The following SAXO1 variants were observed in gnomAD, a reference collection of about 807,000 sequenced individuals.
The protein encoded by SAXO1 is stabilizer of axonemal microtubules 1, also known as 4930500O09Rik.
A neutral mutation model predicts 17.5 loss-of-function variants in SAXO1; 21 were observed. The ratio of observed to expected loss-of-function variants is 1.20; its 90% confidence interval spans 0.85 to 1.72. The LOEUF is 1.72. SAXO1 is among the 40% of genes most tolerant of loss of function. The probability of loss-of-function intolerance (pLI) is 0.00; values close to 1 mark genes in which losing one functional copy is unlikely to be tolerated. For missense variants in SAXO1, 843 were observed against 596.0 expected (o/e 1.41, Z -4.32); for synonymous variants, 274 against 216.5 (o/e 1.27, Z -2.33).
chr9:18,965,221 A>T (rs2131773025), intron 1 of SAXO1, among the ~76,000 whole-genome samples: 1 of 152,302 alleles, frequency 6.6e-6, no homozygotes, highest in African/African-American at 2.4e-5. Context: ...GCTGAGAAGA[A>T]TGTATATTCT....
intron 1 of SAXO1, among the ~76,000 whole-genome samples, chr9:19,009,501 G>A (rs558351459): frequency 1.4e-3 from 213 of 152,330 alleles, no homozygotes; most frequent in African/African-American, 4.9e-3. Context: ...AAAGGGGGAA[G>A]CTGCAGATGC....
At chr9:19,003,142 T>C (rs200297767) in intron 1 of SAXO1, among the ~76,000 whole-genome samples, 1 of 152,114 alleles carries the variant, frequency 6.6e-6, no homozygotes, top group Non-Finnish European at 1.5e-5. Context: ...TCCCATTCAC[T>C]ATTACTACAA....
At chr9:18,931,107 C>T (rs1188108319) in intron 3 of SAXO1, among the ~76,000 whole-genome samples, 1 of 152,168 alleles carries the variant, frequency 6.6e-6, no homozygotes, top group African/African-American at 2.4e-5. Context: ...ATATCCATCA[C>T]CAAAATCAAG....
intron 1 of SAXO1, among the ~76,000 whole-genome samples, chr9:18,957,579 G>A (rs1199451592): frequency 6.6e-6 from 1 of 152,200 alleles, no homozygotes; most frequent in Non-Finnish European, 1.5e-5. Context: ...CTGTTCAAGG[G>A]AGGAAAGCAG....
chr9:19,037,059 C>A (rs1018434788), upstream of SAXO1, among the ~76,000 whole-genome samples: 1 of 152,178 alleles, frequency 6.6e-6, no homozygotes, highest in Non-Finnish European at 1.5e-5. Flanking sequence ...GATTTGACTA[C>A]CCTGCTGGAT....
chr9:18,970,731 G>C (rs140226085), intron 1 of SAXO1, among the ~76,000 whole-genome samples: 271 of 152,340 alleles, frequency 1.8e-3, no homozygotes, highest in African/African-American at 6.2e-3. Flanking sequence ...GAATGTCCCA[G>C]TGTCCCAGCA....
intron 1 of SAXO1, among the ~76,000 whole-genome samples, chr9:19,000,234 G>C (rs1834202159): frequency 1.3e-5 from 2 of 150,008 alleles, no homozygotes; most frequent in South Asian, 4.2e-4. Flanking sequence ...GAAGTGAGGA[G>C]CGCCTCTGCC....
chr9:18,994,380 T>A (rs1036223242), intron 1 of SAXO1, among the ~76,000 whole-genome samples: 1 of 152,240 alleles, frequency 6.6e-6, no homozygotes, highest in Admixed American at 6.5e-5. Context: ...TTGACAGCCA[T>A]GCACCAGTGC....
intron 1 of SAXO1, chr9:19,028,012 T>A: frequency 6.2e-7 from 1 of 1,606,844 alleles, no homozygotes; most frequent in Non-Finnish European, 8.5e-7. Flanking sequence ...CAAGGCTGTG[T>A]CTGTGGAGGC....
intron 1 of SAXO1, among the ~76,000 whole-genome samples, chr9:18,962,315 G>C (rs1021819767): frequency 1.3e-5 from 2 of 152,172 alleles, no homozygotes; most frequent in Admixed American, 1.3e-4. Flanking sequence ...TGATCTGCCC[G>C]CCTTGGCCTC....
intron 3 of SAXO1, among the ~76,000 whole-genome samples, chr9:18,934,105 C>G (rs1355641268): frequency 6.6e-6 from 1 of 152,156 alleles, no homozygotes; most frequent in Non-Finnish European, 1.5e-5. Context: ...AGTCATTTCT[C>G]TTTTGCCTCC....
At chr9:19,032,689 G>T (rs933128061) in intron 1 of SAXO1, among the ~76,000 whole-genome samples, 182 bp downstream of exon 1, 5 of 152,192 alleles carry the variant, frequency 3.3e-5, no homozygotes, top group African/African-American at 1.2e-4. Flanking sequence ...AGCCACATTC[G>T]CCAGAACTGA....
Position 19,049,090 on chromosome 9 carries a change from C to T in SAXO1, c.-158+119G>A. 1 of 152,746 alleles carries T rather than the reference C, an allele frequency of 6.5e-6. No homozygotes were observed. Among genetic ancestry groups the T allele is most frequent in the Non-Finnish European group, 1.5e-5 (1 of 68,318 alleles). The allele number at this position is 152,746 out of a possible 1,614,324, so 9.5% of individuals were successfully genotyped here. ...TTCCCTCCACTTCACCAGTCGGCTG[C>T]CCCTGCGGAAACCGGCCCGACACAC... On this transcript the variant is annotated intron_variant, in intron 1 of 3. Coordinates refer to the SAXO1 transcript ENST00000542071. The surrounding 1 kb of genome is among the most constrained non-coding windows in gnomAD (Gnocchi z 5.4).
At chr9:18,978,706 A>G (rs1833251989) in intron 1 of SAXO1, among the ~76,000 whole-genome samples, 1 of 152,232 alleles carries the variant, frequency 6.6e-6, no homozygotes. Flanking sequence ...CTAGATGCAT[A>G]CATCCATCAT....
chr9:19,027,907 T>A, intron 1 of SAXO1: 1 of 1,376,156 alleles, frequency 7.3e-7, no homozygotes, highest in Non-Finnish European at 1.0e-6. Context: ...TGGGCCAGAA[T>A]CATGCAGATC....
upstream of SAXO1, among the ~76,000 whole-genome samples, chr9:19,036,692 A>G (rs1835949646): frequency 6.6e-6 from 1 of 152,148 alleles, no homozygotes; most frequent in East Asian, 1.9e-4. Context: ...CAGAGGATAT[A>G]TGGAAATGCC....
In SAXO1 at chr9:18,974,255, G is replaced by C. The variant is rs561557924; in HGVS notation, c.39-23318C>G. Reference sequence around the variant, plus strand: ...AAAGAAGAAAGCTAGAAAGACCTCTGGAGTGTTGGAACGGAATTGGAAGTA... The same window carrying C: ...AAAGAAGAAAGCTAGAAAGACCTCTCGAGTGTTGGAACGGAATTGGAAGTA... On this transcript the variant is annotated intron_variant, in intron 1 of 3. Transcript: ENST00000380534. Among the ~76,000 whole-genome samples, 4 of 152,332 alleles carry C rather than the reference G, an allele frequency of 2.6e-5. No homozygotes were observed. The South Asian group carries it at 8.3e-4, about 32-fold the overall frequency.
intron 2 of SAXO1, among the ~76,000 whole-genome samples, chr9:18,945,268 C>G (rs1257337163): frequency 6.6e-6 from 1 of 152,156 alleles, no homozygotes; most frequent in Non-Finnish European, 1.5e-5. Flanking sequence ...ACCTTGTTTT[C>G]CAGACCCAAC....
intron 1 of SAXO1, among the ~76,000 whole-genome samples, chr9:18,985,704 C>T (rs373829852): frequency 6.6e-6 from 1 of 152,172 alleles, no homozygotes; most frequent in East Asian, 1.9e-4. Flanking sequence ...ACTCCCCTGC[C>T]CTTTCTGTTC....
Sources: allele counts gnomAD v4.1 joint callset (sites outside exome capture counted in the v4.1 genomes callset), GRCh38; gene constraint gnomAD v4.1.1; non-coding constraint Gnocchi (gnomAD v3.1); transcripts MANE v1.5; gene names NCBI Gene and HGNC (gene_info 2026-07-23, HGNC 2026-07-21).